Variants in USP42 observed in about 807,000 individuals in gnomAD.
The protein encoded by USP42 is ubiquitin specific peptidase 42.
USP42 carries 23 observed loss-of-function variants against 113.0 expected under a neutral mutation model. The observed-to-expected ratio is 0.20, with a 90% CI of 0.15 to 0.29. The LOEUF is 0.29. USP42 is among the 10% of genes least tolerant of loss of function. The pLI, the probability that USP42 is intolerant of heterozygous loss-of-function variation, is 1.00. For missense variants in USP42, 2,174 were observed against 1,779.8 expected, an observed-to-expected ratio of 1.22 and a Z score of -3.99; for synonymous variants, 933 against 699.0, an observed-to-expected ratio of 1.33 and a Z score of -5.28.
Position 6,132,893 on chromosome 7 carries a change from C to T in USP42, c.443-2948C>T, listed in dbSNP as rs1043411868. Among the ~76,000 whole-genome samples the T allele has an allele frequency of 1.1e-4, 17 of 152,068 alleles. No individual in the cohort carries two copies. In the South Asian group the frequency reaches 1.2e-3, roughly 11 times the overall value. ...TTCACCGTGTTAGCCAGGATGGTCTCGATCTTCTACCTTGTGATCTGCCCA... is the reference window on the plus strand; with the variant it reads ...TTCACCGTGTTAGCCAGGATGGTCTTGATCTTCTACCTTGTGATCTGCCCA... On this transcript the variant is annotated intron_variant, in intron 3 of 17. Coordinates refer to ENST00000306177, the MANE Select transcript of USP42 (RefSeq NM_032172.3).
intron 1 of USP42, among the ~76,000 whole-genome samples, chr7:6,107,392 G>T (rs1028429623): frequency 6.7e-6 from 1 of 150,176 alleles, no homozygotes; most frequent in African/African-American, 2.4e-5. Flanking sequence ...CTCTATTTGG[G>T]CTTTCTTCTT....
In USP42 at chr7:6,156,919, G is replaced by T; in HGVS notation, c.3807G>T (p.Gln1269His). ...PRVTSLETVAQFRRAQGGFPL... is the reference protein window; with the variant it reads ...PRVTSLETVAHFRRAQGGFPL... ...TCACCAGCTTGGAGACTGTCGCCCA[G>T]TTCCGGAGAGCCCAGGGTGGCTTTC... Residue 1269 changes from glutamine (Q) to histidine (H), a missense_variant, in exon 16 of 18, where the codon CAG (glutamine) becomes CAT (histidine). Transcript: ENST00000306177. The T allele has an allele frequency of 1.2e-6, 2 of 1,613,962 alleles. No homozygotes were observed. Among genetic ancestry groups the T allele is most frequent in the Non-Finnish European group, 1.7e-6 (2 of 1,179,860 alleles).
At chr7:6,138,221 T>G (rs1781251626) in intron 4 of USP42, among the ~76,000 whole-genome samples, 1 of 152,256 alleles carries the variant, frequency 6.6e-6, no homozygotes, top group South Asian at 2.1e-4. Context: ...TGTTTTAGTG[T>G]GATATTGCTT....
chr7:6,138,524 T>C (rs1261590613), intron 4 of USP42, among the ~76,000 whole-genome samples: 11 of 152,208 alleles, frequency 7.2e-5, no homozygotes, highest in Admixed American at 7.2e-4. Context: ...CATGAGTCAC[T>C]CTGTAGCTAC....
In USP42 at chr7:6,159,666, G is replaced by A. The variant is rs1782661154; in HGVS notation, c.*36+173G>A. ...AGCCCAGACCCAGGCCACGCGCTTG[G>A]GGACAGACCTAGACCCTCCACCTCA... On this transcript the variant is annotated intron_variant, in intron 17 of 17. Transcript: ENST00000306177. This position sits in a 1 kb window ranked among gnomAD's most constrained non-coding sequence, Gnocchi z 4.1. Among the ~76,000 whole-genome samples the A allele has an allele frequency of 1.3e-5, 2 of 152,186 alleles. No individual in the cohort carries two copies. The highest frequency in any genetic ancestry group is 2.4e-5 in the African/African-American group (1 of 41,444).
Position 6,105,938 on chromosome 7 carries a change from G to GC in USP42, c.-10+907dup, listed in dbSNP as rs573504575. ...GTTATGTAAAGTCAATACCCTGACA[G>GC]CAAAACTGTTTGAGAAACTAGTTAA... is the stretch of plus-strand genomic sequence containing the variant. On this transcript the variant is annotated intron_variant, in intron 1 of 17. Coordinates refer to ENST00000306177, the MANE Select transcript of USP42 (RefSeq NM_032172.3). 5.1e-4 allele frequency among the ~76,000 whole-genome samples: 77 copies of GC among 152,292 alleles called. 4 individuals carry two copies. In the South Asian group the frequency reaches 0.016, roughly 31 times the overall value.
chr7:6,101,193 G>C (rs1790117862), upstream of USP42, among the ~76,000 whole-genome samples: 2 of 151,078 alleles, frequency 1.3e-5, no homozygotes, highest in African/African-American at 4.9e-5. Flanking sequence ...TGAGTTATAA[G>C]CAGCGAACAC....
chr7:6,102,109 ATTTTTT>A (rs370131326), upstream of USP42, among the ~76,000 whole-genome samples: 2 of 121,658 alleles, frequency 1.6e-5, no homozygotes, highest in Admixed American at 8.3e-5. Context: ...GTCTCCTAAG[ATTTTTT>A]TTTTTTTTTT....
rs766589310 is a variant in USP42 at position 6,154,907 on chromosome 7, G to A, written c.3353G>A (p.Arg1118His). The change falls in exon 15 of 18, where the codon CGC becomes CAC. Residue 1118 changes from arginine to histidine, a missense_variant. Arg to His is a conservative substitution (Grantham distance 29, BLOSUM62 0). Transcript: ENST00000306177. The stretch of plus-strand genomic sequence containing the variant: ...GAGCGGCACCGCCCCAGCAGCCCCC[G>A]CGCAGGCGCGCCCCACGCCCTCGCC... ...ERERHRPSSP[R>H]AGAPHALAPH... 1 of 1,546,070 alleles carries A rather than the reference G, an allele frequency of 6.5e-7. No homozygotes were observed. Among genetic ancestry groups the A allele is most frequent in the Non-Finnish European group, 8.7e-7 (1 of 1,144,480 alleles).
At chr7:6,142,887 T>C (rs1438198149) in intron 7 of USP42, 45 bp from the exon 8 acceptor site, 5 of 1,596,830 alleles carry the variant, frequency 3.1e-6, no homozygotes, top group African/African-American at 1.3e-5. Context: ...CAAACACAAG[T>C]GACGGTGTGC....
At position 6,150,229 on chromosome 7, in the gene USP42, G is replaced by A. The variant is rs770684869; in HGVS notation, c.2033G>A (p.Gly678Asp). Residue 678 changes from glycine (G) to aspartate (D), a missense_variant, in exon 13 of 18, where the codon GGT becomes GAT. Physicochemically the swap from Gly to Asp is moderately conservative, Grantham distance 94 (BLOSUM62 -1). Coordinates refer to ENST00000306177, the MANE Select transcript of USP42 (RefSeq NM_032172.3). ...AAAGAAAACGGCCTAGCGCCTGATG[G>A]TGCCAGCTGCCAAGGCCAGCCTGCC... ...DPKENGLAPD[G>D]ASCQGQPALH... The A allele has an allele frequency of 2.5e-6, 4 of 1,613,904 alleles. No individual in the cohort carries two copies. Among genetic ancestry groups the A allele is most frequent in the Non-Finnish European group, 3.4e-6 (4 of 1,179,900 alleles).
Position 6,161,224 on chromosome 7 carries a change from C to T in USP42, c.*706C>T, listed in dbSNP as rs968799683. ...TATTACACAACACTTTTTGATACAG[C>T]GTCTCTTGTCTTCACTGATACTGGA... On this transcript the variant is annotated 3_prime_UTR_variant, in exon 18 of 18. Coordinates refer to ENST00000306177, the MANE Select transcript of USP42 (RefSeq NM_032172.3). 2 of 152,558 alleles carry T rather than the reference C, an allele frequency of 1.3e-5. No individual in the cohort carries two copies. Among genetic ancestry groups the T allele is most frequent in the Non-Finnish European group, 2.9e-5 (2 of 68,040 alleles). The allele number at this position is 152,558 out of a possible 1,614,324, so 9.5% of individuals were successfully genotyped here. A position where few individuals can be genotyped will look rare whatever the true frequency, so the allele number is the denominator to read the frequency against.
rs762011280 is a variant in USP42 at position 6,157,535 on chromosome 7, C to CT, written c.3943+481dup. 1.1e-5 allele frequency: 4 copies of CT among 348,700 alleles called. No individual in the cohort carries two copies. The highest frequency in any genetic ancestry group is 1.6e-5 in the Non-Finnish European group (4 of 247,976). 21.6% of individuals were successfully genotyped at this position (348,700 alleles called of 1,614,324 possible). On this transcript the variant is annotated intron_variant, in intron 16 of 17. Coordinates refer to ENST00000306177, the MANE Select transcript of USP42 (RefSeq NM_032172.3). The surrounding 1 kb of genome is among the most constrained non-coding windows in gnomAD (Gnocchi z 4.1). The stretch of plus-strand genomic sequence containing the variant: ...GCCTCAGCCTCCTGAGTAGCCGGGA[C>CT]TACAGGCGCCCGCCACCACGCCCGG...
At chr7:6,136,660 T>C (rs1446666672) in intron 4 of USP42, among the ~76,000 whole-genome samples, 1 of 152,236 alleles carries the variant, frequency 6.6e-6, no homozygotes, top group Non-Finnish European at 1.5e-5. Flanking sequence ...GGTGAATGAA[T>C]ACTTTACTAT....
At chr7:6,153,333 T>C (rs750658200) in intron 14 of USP42, among the ~76,000 whole-genome samples, 1 of 150,162 alleles carries the variant, frequency 6.7e-6, no homozygotes, top group Non-Finnish European at 1.5e-5. Flanking sequence ...TTGGAAGAAC[T>C]AGAGGGATAT....
Position 6,149,880 on chromosome 7 carries a change from G to T in USP42, c.1684G>T (p.Ala562Ser). 1 of 1,614,018 alleles carries T rather than the reference G, an allele frequency of 6.2e-7. No homozygotes were observed. Among genetic ancestry groups the T allele is most frequent in the Non-Finnish European group, 8.5e-7 (1 of 1,179,904 alleles). Residue 562 changes from alanine to serine, a missense_variant, in exon 13 of 18, where the codon GCA (alanine) becomes TCA (serine). Ala to Ser is a moderately conservative substitution (Grantham distance 99). Coordinates refer to ENST00000306177, the MANE Select transcript of USP42 (RefSeq NM_032172.3). The stretch of plus-strand genomic sequence containing the variant: ...TCCCTCTTCTACCATTACCAATTCT[G>T]CAGTACAGTCTACCTCGAACGCATC... ...PVPSSTITNS[A>S]VQSTSNASTM...
chr7:6,090,647 G>A, the USP42 span, among the ~76,000 whole-genome samples: 4 of 146,352 alleles, frequency 2.7e-5, no homozygotes, highest in Non-Finnish European at 4.5e-5. Flanking sequence ...CCTAGGAGGC[G>A]GAGGTTGCAG....
the USP42 span, among the ~76,000 whole-genome samples, chr7:6,086,821 G>T: frequency 6.7e-6 from 1 of 150,334 alleles, no homozygotes; most frequent in South Asian, 2.1e-4. Flanking sequence ...CTGTCTCCCA[G>T]TTCAAGCAAT....
At chr7:6,103,656 T>G (rs1790209994), upstream of USP42, among the ~76,000 whole-genome samples, 1 of 147,564 alleles carries the variant, frequency 6.8e-6, no homozygotes, top group African/African-American at 2.6e-5. Flanking sequence ...ATCCCAGCGC[T>G]TTGGGAGGCT....
Sources: allele counts gnomAD v4.1 joint callset (sites outside exome capture counted in the v4.1 genomes callset), GRCh38; gene constraint gnomAD v4.1.1; non-coding constraint Gnocchi (gnomAD v3.1); transcripts MANE v1.5; gene names NCBI Gene and HGNC (gene_info 2026-07-23, HGNC 2026-07-21).